The following CCDC60 variants were observed in gnomAD, a reference collection of about 807,000 sequenced individuals.
The protein encoded by CCDC60 is coiled-coil domain-containing protein 60.
CCDC60 carries 54 observed loss-of-function variants against 63.5 expected under a neutral mutation model. The ratio of observed to expected loss-of-function variants is 0.85; its 90% CI spans 0.68 to 1.07. CCDC60 has a LOEUF of 1.07. Ranked by LOEUF, CCDC60 falls within the 50% of genes least tolerant of loss-of-function variation. The probability of loss-of-function intolerance (pLI) is 0.00; values close to 1 mark genes in which losing one functional copy is unlikely to be tolerated. For missense variants in CCDC60, 651 were observed against 684.3 expected, an observed-to-expected ratio of 0.95 and a Z score of 0.54; for synonymous variants, 206 against 238.8, an observed-to-expected ratio of 0.86 and a Z score of 1.27.
chr12:119,360,918 G>C (rs975347428), intron 1 of CCDC60, among the ~76,000 whole-genome samples: 1 of 152,280 alleles, frequency 6.6e-6, no homozygotes, highest in Middle Eastern at 3.4e-3. Context: ...CGGATCACTC[G>C]CGGTTAGGAG....
chr12:119,448,981 C>T (rs1302176072), intron 2 of CCDC60, among the ~76,000 whole-genome samples: 1 of 151,864 alleles, frequency 6.6e-6, no homozygotes, highest in Non-Finnish European at 1.5e-5. Context: ...ACATAGAAGT[C>T]AGGCGGTGGG....
At chr12:119,387,556 A>T (rs1956082348) in intron 1 of CCDC60, among the ~76,000 whole-genome samples, 1 of 152,220 alleles carries the variant, frequency 6.6e-6, no homozygotes, top group Non-Finnish European at 1.5e-5. Flanking sequence ...GCTTTTATGT[A>T]TATGATGTGA....
intron 1 of CCDC60, among the ~76,000 whole-genome samples, chr12:119,378,037 C>CG (rs1565976694): frequency 6.6e-6 from 1 of 152,182 alleles, no homozygotes; most frequent in African/African-American, 2.4e-5. Context: ...GTGAAATGCA[C>CG]GGGGTTTTAT....
chr12:119,452,696 A>T (rs1950656065), intron 2 of CCDC60, among the ~76,000 whole-genome samples: 1 of 152,200 alleles, frequency 6.6e-6, no homozygotes, highest in African/African-American at 2.4e-5. Flanking sequence ...AGTGGTGGTG[A>T]TGGTGGAGAT....
intron 4 of CCDC60, among the ~76,000 whole-genome samples, chr12:119,481,006 ATCACCATCGTCC>A (rs761093591): frequency 4.4e-4 from 66 of 150,118 alleles, no homozygotes; most frequent in Non-Finnish European, 6.8e-4. Flanking sequence ...CATCATCATC[ATCACCATCGTCC>A]TCACCACCAT....
intron 13 of CCDC60, among the ~76,000 whole-genome samples, chr12:119,537,783 G>A (rs901851437): frequency 2.6e-5 from 4 of 152,144 alleles, no homozygotes; most frequent in Admixed American, 6.5e-5. Context: ...TCCTTCCTCT[G>A]GAAGCTTCGT....
intron 1 of CCDC60, among the ~76,000 whole-genome samples, chr12:119,346,828 CTTTCTTT>C (rs1955601723): frequency 1.0e-5 from 1 of 96,770 alleles, no homozygotes; most frequent in Non-Finnish European, 2.2e-5. Context: ...TTCTTTCTTT[CTTTCTTT>C]TTTTTTTGAG....
At chr12:119,482,601 C>T (rs968705728) in intron 4 of CCDC60, among the ~76,000 whole-genome samples, 1 of 152,180 alleles carries the variant, frequency 6.6e-6, no homozygotes, top group African/African-American at 2.4e-5. Flanking sequence ...CTGAAGGCTG[C>T]CTTTTCTTAT....
chr12:119,361,901 T>G (rs1955794847), intron 1 of CCDC60, among the ~76,000 whole-genome samples: 1 of 152,232 alleles, frequency 6.6e-6, no homozygotes. Flanking sequence ...ATGGCCATTG[T>G]GCATAGTTTA....
At chr12:119,411,010 G>A (rs1956588995) in intron 1 of CCDC60, among the ~76,000 whole-genome samples, 1 of 152,210 alleles carries the variant, frequency 6.6e-6, no homozygotes, top group Non-Finnish European at 1.5e-5. Context: ...TGGGATTACT[G>A]GCATGAGCCA....
chr12:119,428,772 C>A lies in CCDC60; in HGVS notation c.170+10C>A, dbSNP rs1216265032. On this transcript the variant is annotated intron_variant, in intron 2 of 13. Coordinates refer to ENST00000327554, the MANE Select transcript of CCDC60 (RefSeq NM_178499.5). ...ACCTTATACGAAGCCGGTGAGTGAG[C>A]CCAGCAGGGAATGATCCATAGACAA... 1.9e-6 allele frequency: 3 copies of A among 1,561,530 alleles called. No homozygotes were observed. The highest frequency in any genetic ancestry group is 2.6e-6 in the Non-Finnish European group (3 of 1,139,282).
intron 2 of CCDC60, among the ~76,000 whole-genome samples, chr12:119,441,410 T>A (rs925480806): frequency 6.6e-6 from 1 of 152,168 alleles, no homozygotes; most frequent in African/African-American, 2.4e-5. Context: ...AAATATAACA[T>A]AATGCAGGAA....
chr12:119,405,263 C>A (rs1246306765), intron 1 of CCDC60, among the ~76,000 whole-genome samples: 7 of 152,224 alleles, frequency 4.6e-5, no homozygotes, highest in Non-Finnish European at 1.0e-4. Flanking sequence ...TTGGTGGCAA[C>A]TGCGGTTTCT....
At chr12:119,535,257 G>A (rs975514156) in intron 13 of CCDC60, among the ~76,000 whole-genome samples, 5 of 152,128 alleles carry the variant, frequency 3.3e-5, no homozygotes, top group Non-Finnish European at 5.9e-5. Context: ...GATCAGTGGT[G>A]ATATTCCCTT....
In CCDC60 at chr12:119,428,729, TAATA is replaced by T; in HGVS notation, c.140_143del (p.Ile47ThrfsTer12). On this transcript the variant is annotated frameshift_variant, in exon 2 of 14. Coordinates refer to ENST00000327554, the MANE Select transcript of CCDC60 (RefSeq NM_178499.5). LOFTEE classifies it high-confidence loss of function. Reference sequence around the variant, plus strand: ...AGCATCAAGTATATGGACAAGGAAATAATAAACCTCAAAAAGGACCTTATACGAA... The same window carrying T: ...AGCATCAAGTATATGGACAAGGAAATAACCTCAAAAAGGACCTTATACGAA... 1 of 1,606,594 alleles carries T rather than the reference TAATA, an allele frequency of 6.2e-7. No individual in the cohort carries two copies.
In CCDC60 at chr12:119,500,105, T is replaced by G; in HGVS notation, c.585T>G (p.Ile195Met). 6.2e-7 allele frequency: 1 copy of G among 1,611,682 alleles called. No homozygotes were observed. Among genetic ancestry groups the G allele is most frequent in the Non-Finnish European group, 8.5e-7 (1 of 1,179,284 alleles). Reference sequence around the variant, plus strand: ...ACCCGGGTGGAAGCAAGAGCACCATTAAAAAAATCAATAAGGACAAGTCCA... The same window carrying G: ...ACCCGGGTGGAAGCAAGAGCACCATGAAAAAAATCAATAAGGACAAGTCCA... ...PKDPGGSKST[I>M]KKINKDKSMG... The change falls in exon 6 of 14, where the codon ATT becomes ATG. Residue 195 changes from isoleucine to methionine, a missense_variant. Transcript: ENST00000327554.
At chr12:119,358,695 G>A (rs1214923191) in intron 1 of CCDC60, among the ~76,000 whole-genome samples, 5 of 152,082 alleles carry the variant, frequency 3.3e-5, no homozygotes, top group Non-Finnish European at 5.9e-5. Context: ...ATAATATGGG[G>A]TATACTCTTT....
At chr12:119,423,444 A>G (rs1956848634) in intron 1 of CCDC60, among the ~76,000 whole-genome samples, 1 of 152,126 alleles carries the variant, frequency 6.6e-6, no homozygotes, top group African/African-American at 2.4e-5. Context: ...CTTGCAAACT[A>G]CATTTCCCAG....
At chr12:119,446,242 C>G (rs1320217391) in intron 2 of CCDC60, among the ~76,000 whole-genome samples, 3 of 152,146 alleles carry the variant, frequency 2.0e-5, no homozygotes, top group Non-Finnish European at 4.4e-5. Flanking sequence ...ATCTGAATCT[C>G]TATCCTTGCT....
Sources: allele counts gnomAD v4.1 joint callset (sites outside exome capture counted in the v4.1 genomes callset), GRCh38; gene constraint gnomAD v4.1.1; transcripts MANE v1.5; gene names NCBI Gene and HGNC (gene_info 2026-07-23, HGNC 2026-07-21).